Variants in DOK7 observed in about 807,000 individuals in gnomAD.
DOK7 encodes the protein protein Dok-7.
DOK7 carries 32 observed loss-of-function variants against 30.7 expected under a neutral mutation model. The ratio of observed to expected loss-of-function variants is 1.04; its 90% CI spans 0.79 to 1.40. The LOEUF (loss-of-function observed/expected upper bound fraction) is 1.40. Among genes scored for constraint, DOK7 ranks in the 40% most tolerant of loss-of-function variants. The pLI is 0.00. For synonymous variants in DOK7, 447 were observed against 324.1 expected (o/e 1.38, Z -4.07); for missense variants, 1,007 against 699.2 (o/e 1.44, Z -4.97).
chr4:3,469,010 A>G (rs1577142809), intron 2 of DOK7, among the ~76,000 whole-genome samples: 1 of 132,456 alleles, frequency 7.5e-6, no homozygotes, highest in African/African-American at 2.9e-5. Flanking sequence ...GTGTGCGTGT[A>G]TGAGTGTGTG....
intron 3 of DOK7, among the ~76,000 whole-genome samples, chr4:3,475,698 C>G (rs370098496): frequency 6.6e-6 from 1 of 152,164 alleles, no homozygotes. Context: ...TCTCCACACC[C>G]GAACTGGAGG....
chr4:3,467,649 AGTGT>A (rs1344815956), intron 2 of DOK7, among the ~76,000 whole-genome samples: 6 of 150,574 alleles, frequency 4.0e-5, no homozygotes, highest in East Asian at 3.9e-4. Flanking sequence ...CATTTGGGTG[AGTGT>A]GTAAGAGTGA....
chr4:3,488,241 G>A (rs754742510), intron 5 of DOK7, among the ~76,000 whole-genome samples: 41 of 152,348 alleles, frequency 2.7e-4, no homozygotes, highest in Non-Finnish European at 2.2e-4. Flanking sequence ...CCAGAGGTGG[G>A]GGAGGCTCCT....
At chr4:3,478,208 C>T (rs958910136) in intron 4 of DOK7, among the ~76,000 whole-genome samples, 5 of 152,178 alleles carry the variant, frequency 3.3e-5, no homozygotes, top group African/African-American at 9.7e-5. Flanking sequence ...CAGGAGGACC[C>T]GTTTCCTTGG....
At position 3,492,776 on chromosome 4, in the gene DOK7, T is replaced by A; in HGVS notation, c.790T>A (p.Ser264Thr). The A allele has an allele frequency of 1.2e-6, 2 of 1,612,722 alleles. No individual in the cohort carries two copies. Among genetic ancestry groups the A allele is most frequent in the South Asian group, 2.2e-5 (2 of 91,088 alleles). The part of the protein sequence containing the change: ...PGSGGDDRSL[S>T]SSSSEASHLD... ...TGTCTCAGGGGATGACCGCAGCCTG[T>A]CCAGCTCATCCTCAGAGGCCAGTCA... is the stretch of plus-strand genomic sequence containing the variant. Residue 264 changes from serine to threonine, a missense_variant, in exon 7 of 7, where the codon TCC becomes ACC. By Grantham distance (58) the Ser-to-Thr change is moderately conservative. Transcript: ENST00000340083.
At chr4:3,474,697 A>G (rs879475377) in intron 3 of DOK7, among the ~76,000 whole-genome samples, 2 of 152,076 alleles carry the variant, frequency 1.3e-5, no homozygotes, top group African/African-American at 2.4e-5. Flanking sequence ...TGGTGGGCAC[A>G]TGTAATCCCA....
At position 3,487,402 on chromosome 4, in the gene DOK7, A is replaced by G. The variant is rs1443184718; in HGVS notation, c.652+1744A>G. Among the ~76,000 whole-genome samples the G allele has an allele frequency of 3.3e-5, 5 of 152,308 alleles. No homozygotes were observed. The East Asian group carries it at 7.7e-4, about 24-fold the overall frequency. ...CCCACAATAGAGCCCTGCGGGCGGC[A>G]TCCTCAAGCTCTGGGCTTTCTGCCG... On this transcript the variant is annotated intron_variant, in intron 5 of 6. Transcript: ENST00000340083.
At chr4:3,500,218 C>T in intron 6 of DOK7, 2 of 1,532,074 alleles carry the variant, frequency 1.3e-6, no homozygotes, top group Non-Finnish European at 1.7e-6. Context: ...CCTCTCGGTC[C>T]CCACCGGGGC....
chr4:3,498,817 G>A (rs1729049995), downstream of DOK7, among the ~76,000 whole-genome samples: 1 of 152,258 alleles, frequency 6.6e-6, no homozygotes, highest in Admixed American at 6.5e-5. Context: ...ACATTTGCAG[G>A]AGGGGGGTCT....
At chr4:3,499,088 G>A (rs545438181), downstream of DOK7, among the ~76,000 whole-genome samples, 10 of 152,344 alleles carry the variant, frequency 6.6e-5, no homozygotes, top group African/African-American at 2.2e-4. Flanking sequence ...GGATGTCTGC[G>A]GCAGGTGCCG....
intron 4 of DOK7, chr4:3,484,597 C>G: frequency 1.0e-6 from 1 of 985,494 alleles, no homozygotes. Context: ...GCAGCGCCCC[C>G]GTGACTCGCA....
At position 3,493,322 on chromosome 4, in the gene DOK7, T is replaced by C. The variant is rs965127528; in HGVS notation, c.1336T>C (p.Trp446Arg). 6.2e-7 allele frequency: 1 copy of C among 1,604,052 alleles called. No homozygotes were observed. Among genetic ancestry groups the C allele is most frequent in the Non-Finnish European group, 8.5e-7 (1 of 1,175,614 alleles). Residue 446 changes from tryptophan (W) to arginine (R), a missense_variant, in exon 7 of 7, where the codon TGG becomes CGG. Trp to Arg is a moderately radical substitution (Grantham distance 101). Transcript: ENST00000340083. ...GACGTCCGCCGGGTGTCCCTCTGGC[T>C]GGCTGGGCACGAGACGGCGGGGCCT... ...GQTSAGCPSGWLGTRRRGLVM... is the reference protein window; with the variant it reads ...GQTSAGCPSGRLGTRRRGLVM...
At chr4:3,494,558 C>A, downstream of DOK7, 1 of 978,814 alleles carries the variant, frequency 1.0e-6, no homozygotes, top group Non-Finnish European at 1.2e-6. Flanking sequence ...TGCCTGGATG[C>A]GAAGTCCCCG....
intron 5 of DOK7, among the ~76,000 whole-genome samples, chr4:3,487,330 C>T (rs1276546341): frequency 3.3e-5 from 5 of 152,218 alleles, no homozygotes; most frequent in Admixed American, 6.5e-5. Flanking sequence ...CTGATGGGTT[C>T]GTCTGCCTGT....
Position 3,493,718 on chromosome 4 carries a change from C to CTTTTTTTAATGATA in DOK7, c.*217_*218insTTTTTTTAATGATA. The CTTTTTTTAATGATA allele has an allele frequency of 7.0e-7, 1 of 1,431,724 alleles. No individual in the cohort carries two copies. The highest frequency in any genetic ancestry group is 1.5e-5 in the South Asian group (1 of 66,272). 88.7% of individuals were successfully genotyped at this position (1,431,724 alleles called of 1,614,324 possible). ...GTTCTGGAAGGCAGGGGCTCTGGGT[C>CTTTTTTTAATGATA]CGGCAGGTCGGGGTCACCAGAGCCC... On this transcript the variant is annotated 3_prime_UTR_variant, in exon 7 of 7. Transcript: ENST00000340083.
At chr4:3,467,553 G>T (rs1378264865) in intron 2 of DOK7, among the ~76,000 whole-genome samples, 2 of 151,698 alleles carry the variant, frequency 1.3e-5, no homozygotes, top group African/African-American at 4.8e-5. Flanking sequence ...GGGGGAGCGT[G>T]TGTGCACGTG....
intron 6 of DOK7, among the ~76,000 whole-genome samples, chr4:3,492,495 CAGGGGTGCTGAGAGGG>C (rs1236030709): frequency 2.6e-5 from 4 of 151,648 alleles, no homozygotes; most frequent in African/African-American, 9.7e-5. Flanking sequence ...AAGGTAGTGG[CAGGGGTGCTGAGAGGG>C]AGGGGCGCAG....
intron 6 of DOK7, among the ~76,000 whole-genome samples, chr4:3,490,586 CATT>C (rs1458972232): frequency 3.2e-4 from 13 of 40,258 alleles, no homozygotes; most frequent in Admixed American, 1.1e-3. Flanking sequence ...TCTCTCTGCT[CATT>C]CCTTCATTTC....
chr4:3,494,417 ACTGTCAGCT>A lies in DOK7; in HGVS notation c.*917_*925del. The A allele has an allele frequency of 1.0e-6, 1 of 985,714 alleles. No individual in the cohort carries two copies. Among genetic ancestry groups the A allele is most frequent in the Non-Finnish European group, 1.2e-6 (1 of 830,160 alleles). 61.1% of individuals were successfully genotyped at this position (985,714 alleles called of 1,614,324 possible). The stretch of plus-strand genomic sequence containing the variant: ...CCTGTGAACACCTCTTTGTCCCTTC[ACTGTCAGCT>A]GTTTCTAAACCCAGACACTGTTTGT... On this transcript the variant is annotated 3_prime_UTR_variant, in exon 7 of 7. Coordinates refer to ENST00000340083, the MANE Select transcript of DOK7 (RefSeq NM_173660.5).
Sources: gnomAD v4.1 joint callset for allele counts (sites outside exome capture counted in the v4.1 genomes callset) on GRCh38, gnomAD v4.1.1 for gene constraint, MANE v1.5 for transcripts, NCBI Gene and HGNC (gene_info 2026-07-23, HGNC 2026-07-21) for gene names.